Variants in NCK2 observed in about 807,000 individuals in gnomAD.
NCK2 encodes NCK adaptor protein 2.
NCK2 carries 16 observed loss-of-function variants against 33.9 expected under a neutral mutation model. The observed-to-expected ratio is 0.47, with a 90% CI of 0.32 to 0.72. The LOEUF is 0.72. Ranked by LOEUF, NCK2 falls within the 30% of genes least tolerant of loss-of-function variation. The pLI, the probability that NCK2 is intolerant of heterozygous loss-of-function variation, is 0.03. For synonymous variants in NCK2, 273 were observed against 239.9 expected, an observed-to-expected ratio of 1.14 and a Z score of -1.27; for missense variants, 418 against 537.3, an observed-to-expected ratio of 0.78 and a Z score of 2.19.
At chr2:105,868,841 G>A (rs1677863186) in intron 3 of NCK2, among the ~76,000 whole-genome samples, 2 of 152,190 alleles carry the variant, frequency 1.3e-5, no homozygotes, top group Admixed American at 6.5e-5. Flanking sequence ...TGAAAATGAA[G>A]CAGTCGAGGC....
chr2:105,829,986 T>G (rs1676104429), intron 2 of NCK2, among the ~76,000 whole-genome samples: 1 of 152,238 alleles, frequency 6.6e-6, no homozygotes, highest in African/African-American at 2.4e-5. Flanking sequence ...TCATTCTAAT[T>G]GTTCCTATTA....
At chr2:105,877,145 C>T (rs1573238076) in intron 3 of NCK2, among the ~76,000 whole-genome samples, 1 of 152,184 alleles carries the variant, frequency 6.6e-6, no homozygotes. Flanking sequence ...TATCCTCACA[C>T]AGAAAGGCCA....
intron 1 of NCK2, among the ~76,000 whole-genome samples, chr2:105,786,132 T>C (rs1035685834): frequency 6.6e-6 from 1 of 152,218 alleles, no homozygotes; most frequent in Non-Finnish European, 1.5e-5. Context: ...CTTTTATTGA[T>C]CATCTGTTGT....
chr2:105,792,744 C>G (rs1264600677), intron 1 of NCK2, among the ~76,000 whole-genome samples: 2 of 152,172 alleles, frequency 1.3e-5, no homozygotes, highest in African/African-American at 4.8e-5. Flanking sequence ...CAGAGCCAGT[C>G]TGGTGCGATT....
intron 1 of NCK2, among the ~76,000 whole-genome samples, chr2:105,768,865 G>A (rs531979591): frequency 6.6e-6 from 1 of 152,254 alleles, no homozygotes; most frequent in Admixed American, 6.5e-5. Flanking sequence ...CATGCCCCCT[G>A]GGGGAGACAC....
rs192420045 is a variant in NCK2, at chr2:105,879,020, G to A, written c.227-2308G>A. Among the ~76,000 whole-genome samples, 28 of 152,248 alleles carry A rather than the reference G, an allele frequency of 1.8e-4. 1 individual carries two copies. In the Middle Eastern group the frequency reaches 0.014, roughly 74 times the overall value. ...AAGAAGTCACTAAAGTAGAATATTC[G>A]TCTATCAGTTATAAAGTGTCTTTAT... On this transcript the variant is annotated intron_variant, in intron 3 of 4. Transcript: ENST00000233154.
At chr2:105,762,299 G>A (rs781276491) in intron 1 of NCK2, among the ~76,000 whole-genome samples, 1 of 152,174 alleles carries the variant, frequency 6.6e-6, no homozygotes, top group Non-Finnish European at 1.5e-5. Flanking sequence ...CAAACCAGGG[G>A]GGGTCTAGGT....
At chr2:105,842,441 AT>A (rs138850961) in intron 2 of NCK2, among the ~76,000 whole-genome samples, 1 of 152,082 alleles carries the variant, frequency 6.6e-6, no homozygotes, top group Non-Finnish European at 1.5e-5. Context: ...AGTTTGTAAC[AT>A]TTTTTCCTAT....
At chr2:105,786,055 C>A (rs998557376) in intron 1 of NCK2, among the ~76,000 whole-genome samples, 5 of 152,108 alleles carry the variant, frequency 3.3e-5, no homozygotes, top group African/African-American at 1.2e-4. Flanking sequence ...GCCTTATTTG[C>A]CTTATTCTCA....
chr2:105,882,891 A>G (rs763534960), intron 4 of NCK2, among the ~76,000 whole-genome samples: 2 of 152,170 alleles, frequency 1.3e-5, no homozygotes, highest in Non-Finnish European at 2.9e-5. Flanking sequence ...GGAGGCTTCA[A>G]TTTCATTTTT....
chr2:105,837,039 G>T (rs1676461524), intron 2 of NCK2, among the ~76,000 whole-genome samples: 1 of 152,190 alleles, frequency 6.6e-6, no homozygotes, highest in African/African-American at 2.4e-5. Context: ...TCCTATAACA[G>T]GGAGTCCCCC....
intron 1 of NCK2, among the ~76,000 whole-genome samples, chr2:105,782,698 C>T (rs556946347): frequency 5.9e-5 from 9 of 152,144 alleles, no homozygotes; most frequent in East Asian, 1.9e-4. Context: ...GGATCCGGCC[C>T]GTTGAAATCA....
chr2:105,822,319 C>G (rs996384490), intron 2 of NCK2, among the ~76,000 whole-genome samples: 3 of 150,312 alleles, frequency 2.0e-5, no homozygotes, highest in Non-Finnish European at 4.4e-5. Flanking sequence ...TGGCTTCCAG[C>G]TCCACCCATG....
intron 1 of NCK2, among the ~76,000 whole-genome samples, chr2:105,750,148 C>T (rs1035728144): frequency 3.3e-5 from 5 of 151,804 alleles, no homozygotes; most frequent in African/African-American, 1.2e-4. Context: ...GTCCATGACC[C>T]CGGGGCCGGC....
chr2:105,765,805 GTGTGTGTGTGTC>G (rs1689919978), intron 1 of NCK2, among the ~76,000 whole-genome samples: 5 of 151,510 alleles, frequency 3.3e-5, no homozygotes, highest in South Asian at 2.1e-4. Flanking sequence ...GTGTGTGTGT[GTGTGTGTGTGTC>G]TGTGTGTGTG....
intron 1 of NCK2, among the ~76,000 whole-genome samples, chr2:105,762,022 C>A (rs975160144): frequency 6.6e-6 from 1 of 152,118 alleles, no homozygotes; most frequent in Non-Finnish European, 1.5e-5. Flanking sequence ...TAAGTTTTTG[C>A]GTTGACTACA....
intron 1 of NCK2, among the ~76,000 whole-genome samples, chr2:105,755,408 T>C (rs1406729960): frequency 3.3e-5 from 3 of 91,522 alleles, no homozygotes; most frequent in Non-Finnish European, 6.0e-5. Flanking sequence ...TGTTGCTTCT[T>C]AACTTGATTG....
chr2:105,744,558 AC>A (rs887642579), upstream of NCK2, among the ~76,000 whole-genome samples: 2 of 150,862 alleles, frequency 1.3e-5, no homozygotes, highest in Admixed American at 1.3e-4. Flanking sequence ...CTCCCCACCC[AC>A]CTACCCTGCC....
intron 3 of NCK2, 191 bp downstream of exon 3, chr2:105,855,480 G>C (rs911779430): frequency 8.4e-5 from 46 of 550,204 alleles, no homozygotes; most frequent in Non-Finnish European, 1.2e-4. Context: ...ATTTCCTGGA[G>C]ATTCTGGAGT....
Sources: allele counts gnomAD v4.1 joint callset (sites outside exome capture counted in the v4.1 genomes callset), GRCh38; gene constraint gnomAD v4.1.1; transcripts MANE v1.5; gene names NCBI Gene and HGNC (gene_info 2026-07-23, HGNC 2026-07-21).